The following TLR6 variants were observed in gnomAD, a reference collection of about 807,000 sequenced individuals.
TLR6 encodes toll-like receptor 6.
A neutral mutation model predicts 16.1 loss-of-function variants in TLR6; 9 were observed. That is an observed-to-expected ratio of 0.56 (90% CI 0.34 to 0.98). The LOEUF (loss-of-function observed/expected upper bound fraction) is 0.98. TLR6 is among the 50% of genes least tolerant of loss of function. The pLI is 0.02. For synonymous variants in TLR6, 340 were observed against 338.6 expected, an observed-to-expected ratio of 1.00 and a Z score of -0.04; for missense variants, 786 against 921.0, an observed-to-expected ratio of 0.85 and a Z score of 1.90.
chr4:38,830,213 AG>A lies in TLR6; in HGVS notation c.-64-677del, dbSNP rs137885617. On this transcript the variant is annotated intron_variant, in intron 1 of 1. Transcript: ENST00000436693. The stretch of plus-strand genomic sequence containing the variant: ...CCAACACAGCCAACCTGCAAAGATC[AG>A]GGGTGTTTTTGTTTTTGCTTTTGCT... 1.5e-3 allele frequency among the ~76,000 whole-genome samples: 236 copies of A among 152,330 alleles called. 1 individual carries two copies. Among genetic ancestry groups the A allele is most frequent in the African/African-American group, 5.1e-3 (212 of 41,586 alleles).
At chr4:38,840,081 G>C (rs12642845) in intron 1 of TLR6, among the ~76,000 whole-genome samples, 19,797 of 152,204 alleles carry the variant, frequency 0.13, 2,361 homozygotes, top group East Asian at 0.29. Flanking sequence ...GCTTCTAAAA[G>C]GGAATTTCAA....
rs183424372 is a variant in TLR6, at chr4:38,853,164, G to C, written c.-65+3597C>G. ...CAAACACCGCATGTTCTCACTCATA[G>C]GTGGGAAATGAACAATGAGAACTCT... On this transcript the variant is annotated intron_variant, in intron 1 of 1. Coordinates refer to ENST00000436693, the Ensembl canonical transcript of TLR6. Among the ~76,000 whole-genome samples the C allele has an allele frequency of 4.3e-3, 636 of 147,822 alleles. 6 individuals are homozygous for C. The highest frequency in any genetic ancestry group is 0.015 in the African/African-American group (585 of 39,668).
exon 2 of TLR6, chr4:38,828,712 A>G: frequency 6.2e-7 from 1 of 1,614,170 alleles, no homozygotes; most frequent in South Asian, 1.1e-5. Flanking sequence ...GGTTGAGGGT[A>G]AAATTCAGTA....
chr4:38,829,294 A>G (rs1436294055), exon 2 of TLR6: 1 of 1,614,208 alleles, frequency 6.2e-7, no homozygotes, highest in Non-Finnish European at 8.5e-7. Context: ...TGTAGTTCTG[A>G]GACATATCTA....
intron 1 of TLR6, among the ~76,000 whole-genome samples, chr4:38,836,310 C>G (rs933614214): frequency 9.9e-5 from 15 of 151,938 alleles, no homozygotes; most frequent in African/African-American, 3.4e-4. Context: ...ACAACTGATA[C>G]CACAGAAATA....
the TLR6 span, among the ~76,000 whole-genome samples, chr4:38,862,776 T>C: frequency 6.6e-6 from 1 of 151,252 alleles, no homozygotes; most frequent in South Asian, 2.1e-4. Context: ...TTTGTATTTT[T>C]AGTAGAGACA....
chr4:38,866,013 C>T, the TLR6 span, among the ~76,000 whole-genome samples: 2 of 151,706 alleles, frequency 1.3e-5, no homozygotes, highest in Non-Finnish European at 2.9e-5. Flanking sequence ...GTGGCACGCA[C>T]CTGTAATCCC....
chr4:38,858,877 AAGAAAGAAAG>A (rs1278102358), upstream of TLR6, among the ~76,000 whole-genome samples: 128 of 120,546 alleles, frequency 1.1e-3, no homozygotes, highest in Admixed American at 3.4e-3. Context: ...GAAAGAAAGA[AAGAAAGAAAG>A]AGAGAAAGAA....
intron 1 of TLR6, among the ~76,000 whole-genome samples, chr4:38,832,816 C>T (rs539253633): frequency 2.0e-4 from 31 of 152,190 alleles, no homozygotes; most frequent in Non-Finnish European, 4.1e-4. Flanking sequence ...GCACAGTGCA[C>T]CTAGTGGCTT....
chr4:38,834,349 C>T (rs1379227743), intron 1 of TLR6, among the ~76,000 whole-genome samples: 11 of 114,646 alleles, frequency 9.6e-5, no homozygotes, highest in South Asian at 2.7e-4. Context: ...CCCAGTGAGG[C>T]GAAAAAAAAA....
exon 2 of TLR6, chr4:38,827,554 G>A (rs1210390802): frequency 4.3e-6 from 7 of 1,614,168 alleles, no homozygotes; most frequent in Non-Finnish European, 5.9e-6. Flanking sequence ...CATGAAACTG[G>A]AGGTTTCTTT....
exon 2 of TLR6, chr4:38,828,252 G>C: frequency 6.2e-7 from 1 of 1,613,486 alleles, no homozygotes; most frequent in African/African-American, 1.3e-5. Context: ...CTAACATCCA[G>C]TATTTCCAAA....
chr4:38,838,544 A>C (rs534635282), intron 1 of TLR6, among the ~76,000 whole-genome samples: 5 of 152,186 alleles, frequency 3.3e-5, no homozygotes, highest in African/African-American at 7.2e-5. Flanking sequence ...TAAAATACGC[A>C]TCTCAGGAGG....
At chr4:38,836,010 A>C (rs942626267) in intron 1 of TLR6, among the ~76,000 whole-genome samples, 1 of 152,174 alleles carries the variant, frequency 6.6e-6, no homozygotes, top group Non-Finnish European at 1.5e-5. Flanking sequence ...AAATGCCTAC[A>C]TCAAAAAAGT....
chr4:38,849,298 G>C (rs1029613293), intron 1 of TLR6, among the ~76,000 whole-genome samples: 1 of 152,058 alleles, frequency 6.6e-6, no homozygotes, highest in Non-Finnish European at 1.5e-5. Flanking sequence ...TGGAAAGGAA[G>C]AACCGGTACC....
chr4:38,839,501 G>A (rs111641056), intron 1 of TLR6, among the ~76,000 whole-genome samples: 1 of 152,088 alleles, frequency 6.6e-6, no homozygotes, highest in African/African-American at 2.4e-5. Context: ...AAAAAAGCAG[G>A]CAAGAAGCCA....
intron 1 of TLR6, among the ~76,000 whole-genome samples, chr4:38,845,593 T>C: frequency 6.6e-6 from 1 of 152,138 alleles, no homozygotes; most frequent in East Asian, 1.9e-4. Context: ...AGTCAAGAAA[T>C]GTGAGCAGCC....
At chr4:38,862,943 A>C in the TLR6 span, among the ~76,000 whole-genome samples, 2 of 150,800 alleles carry the variant, frequency 1.3e-5, no homozygotes, top group African/African-American at 2.4e-5. Flanking sequence ...AAAAAAAAAA[A>C]AAAAAAAAAA....
upstream of TLR6, among the ~76,000 whole-genome samples, chr4:38,858,831 GGAAGAAAGAA>G (rs1713114737): frequency 1.9e-5 from 1 of 51,956 alleles, no homozygotes; most frequent in Non-Finnish European, 3.9e-5. Context: ...GAGAGAGAGA[GGAAGAAAGAA>G]AGAAAGAAAG....
Sources: allele counts gnomAD v4.1 joint callset (sites outside exome capture counted in the v4.1 genomes callset), GRCh38; gene constraint gnomAD v4.1.1; transcripts MANE v1.5; gene names NCBI Gene and HGNC (gene_info 2026-07-23, HGNC 2026-07-21).